DENND1A: variants seen among roughly 807,000 people sequenced by gnomAD.
The protein encoded by DENND1A is DENN domain containing 1A.
Under a neutral mutation model 113.7 loss-of-function variants are expected in DENND1A, and 51 were observed. The ratio of observed to expected loss-of-function variants is 0.45; its 90% CI spans 0.36 to 0.57. The LOEUF (loss-of-function observed/expected upper bound fraction) is 0.57, where lower values mean the gene tolerates loss of function less well. Among genes scored for constraint, DENND1A ranks in the 20% least tolerant of loss-of-function variants. The probability of loss-of-function intolerance (pLI) is 0.00; values close to 1 mark genes in which losing one functional copy is unlikely to be tolerated. For missense variants in DENND1A, 1,258 were observed against 1,395.9 expected (o/e 0.90, Z 1.57); for synonymous variants, 565 against 570.8 (o/e 0.99, Z 0.14).
At chr9:123,845,670 CAAA>C (rs555731367) in intron 2 of DENND1A, among the ~76,000 whole-genome samples, 923 of 44,064 alleles carry the variant, frequency 0.021, 10 homozygotes, top group African/African-American at 0.064. Flanking sequence ...AACCTGTCTC[CAAA>C]AAAAAAAAAA....
intron 1 of DENND1A, among the ~76,000 whole-genome samples, chr9:123,883,495 A>G (rs1848595433): frequency 6.6e-6 from 1 of 152,202 alleles, no homozygotes; most frequent in Non-Finnish European, 1.5e-5. Context: ...CCATCCCCAG[A>G]GTGTCTCAGG....
At position 123,853,386 on chromosome 9, in the gene DENND1A, G is replaced by A. The variant is rs570131040; in HGVS notation, c.88+25565C>T. ...AGACTGAAATTATGAGCTCTAGGCC[G>A]GGCGTGGTGGCTCACACCTGTAATC... is the stretch of plus-strand genomic sequence containing the variant. On this transcript the variant is annotated intron_variant, in intron 2 of 23. Transcript: ENST00000394215. 2.6e-5 allele frequency among the ~76,000 whole-genome samples: 4 copies of A among 151,764 alleles called. No individual in the cohort carries two copies. In the South Asian group the frequency reaches 6.3e-4, roughly 24 times the overall value.
At chr9:123,440,252 T>A in intron 19 of DENND1A, 108 bp downstream of exon 19, 1 of 1,304,448 alleles carries the variant, frequency 7.7e-7, no homozygotes, top group South Asian at 1.5e-5. Context: ...GGAGCTGCAC[T>A]GCCAAAGAGA....
chr9:123,766,802 T>C (rs1364591997), intron 4 of DENND1A, among the ~76,000 whole-genome samples: 2 of 152,210 alleles, frequency 1.3e-5, no homozygotes, highest in Non-Finnish European at 2.9e-5. Flanking sequence ...TTATTATTTT[T>C]CCTAAGTCCT....
intron 13 of DENND1A, among the ~76,000 whole-genome samples, chr9:123,557,272 G>GAGC (rs2057472982): frequency 6.6e-6 from 1 of 152,214 alleles, no homozygotes; most frequent in Admixed American, 6.5e-5. Flanking sequence ...GCCCCAGGGA[G>GAGC]AGCAGGTGAG....
At chr9:123,603,426 T>C (rs560231540) in intron 11 of DENND1A, among the ~76,000 whole-genome samples, 1 of 152,306 alleles carries the variant, frequency 6.6e-6, no homozygotes, top group Admixed American at 6.5e-5. Flanking sequence ...TGAGCTTTGA[T>C]TTGGCACCTG....
At chr9:123,518,894 C>T (rs558460151) in intron 13 of DENND1A, among the ~76,000 whole-genome samples, 1 of 152,348 alleles carries the variant, frequency 6.6e-6, no homozygotes, top group East Asian at 1.9e-4. Flanking sequence ...AAAAGCCCTA[C>T]ACTGGCCTTC....
intron 10 of DENND1A, among the ~76,000 whole-genome samples, chr9:123,617,548 C>T (rs1564824478): frequency 6.6e-6 from 1 of 152,206 alleles, no homozygotes; most frequent in Non-Finnish European, 1.5e-5. Flanking sequence ...GAAATGAACA[C>T]ATGAGTTACA....
At chr9:123,501,855 C>G (rs2052516087) in intron 13 of DENND1A, among the ~76,000 whole-genome samples, 1 of 152,314 alleles carries the variant, frequency 6.6e-6, no homozygotes, top group East Asian at 1.9e-4. Flanking sequence ...TGTTTCCTAG[C>G]CTTGAAGATC....
At chr9:123,927,011 T>TG (rs1302298852) in intron 1 of DENND1A, among the ~76,000 whole-genome samples, 1 of 152,162 alleles carries the variant, frequency 6.6e-6, no homozygotes, top group African/African-American at 2.4e-5. Context: ...GGCAGGCGTC[T>TG]GGGGGATGGC....
At chr9:123,921,418 TCA>T (rs1165197700) in intron 1 of DENND1A, among the ~76,000 whole-genome samples, 3 of 152,220 alleles carry the variant, frequency 2.0e-5, no homozygotes, top group Non-Finnish European at 4.4e-5. Context: ...CTGGCTCCTC[TCA>T]CACCCCGGAG....
intron 2 of DENND1A, among the ~76,000 whole-genome samples, chr9:123,876,722 C>T (rs777558494): frequency 3.3e-5 from 5 of 151,980 alleles, no homozygotes; most frequent in Non-Finnish European, 5.9e-5. Context: ...ATCCCATTAC[C>T]GAGTATATAC....
intron 1 of DENND1A, among the ~76,000 whole-genome samples, chr9:123,897,118 G>C (rs1248501137): frequency 1.3e-5 from 2 of 152,170 alleles, no homozygotes; most frequent in African/African-American, 4.8e-5. Context: ...ACTCCACCCT[G>C]TCTCTCCACA....
chr9:123,616,491 G>A (rs950567614), intron 10 of DENND1A, among the ~76,000 whole-genome samples: 6 of 152,134 alleles, frequency 3.9e-5, no homozygotes, highest in African/African-American at 7.2e-5. Context: ...ACTCTTTTCT[G>A]TTCTAAGCGG....
intron 13 of DENND1A, among the ~76,000 whole-genome samples, chr9:123,512,368 G>C (rs2053530201): frequency 6.6e-6 from 1 of 152,220 alleles, no homozygotes; most frequent in African/African-American, 2.4e-5. Flanking sequence ...CTGGCCATGG[G>C]AGTGGGGTGC....
rs141797424 is a variant in DENND1A, at chr9:123,712,067, T to C, written c.303-35278A>G. Among the ~76,000 whole-genome samples, 31 of 152,322 alleles carry C rather than the reference T, an allele frequency of 2.0e-4. 1 individual carries two copies. The South Asian group carries it at 5.6e-3, about 27-fold the overall frequency. On this transcript the variant is annotated intron_variant, in intron 5 of 23. Coordinates refer to ENST00000394215, the MANE Select transcript of DENND1A (RefSeq NM_001352964.2). ...TGTGCCTCCATTAGGCTAATATGCATAGCTAGGGAAAAATTCCACACAAAC... is the reference window on the plus strand; with the variant it reads ...TGTGCCTCCATTAGGCTAATATGCACAGCTAGGGAAAAATTCCACACAAAC...
chr9:123,657,682 G>A (rs1255912233), intron 8 of DENND1A, among the ~76,000 whole-genome samples: 1 of 151,972 alleles, frequency 6.6e-6, no homozygotes, highest in Non-Finnish European at 1.5e-5. Context: ...GCTTGGTTTT[G>A]TCAGTGGGTC....
chr9:123,849,272 CTCATCGA>C (rs1843017323), intron 2 of DENND1A, among the ~76,000 whole-genome samples: 1 of 152,212 alleles, frequency 6.6e-6, no homozygotes, highest in Non-Finnish European at 1.5e-5. Context: ...CAAACCAATG[CTCATCGA>C]CCATTCTGAA....
intron 9 of DENND1A, among the ~76,000 whole-genome samples, chr9:123,635,325 C>T (rs940518865): frequency 6.6e-6 from 1 of 152,076 alleles, no homozygotes; most frequent in African/African-American, 2.4e-5. Flanking sequence ...CACTCATCAC[C>T]ACATTTCACA....
Sources: allele counts gnomAD v4.1 joint callset (sites outside exome capture counted in the v4.1 genomes callset), GRCh38; gene constraint gnomAD v4.1.1; transcripts MANE v1.5; gene names NCBI Gene and HGNC (gene_info 2026-07-23, HGNC 2026-07-21).